The following FLACC1 variants were observed in gnomAD, a reference collection of about 807,000 sequenced individuals.
FLACC1 encodes flagellum associated containing coiled-coil domains 1, also known as flagellum-associated coiled-coil domain-containing protein 1.
Under a neutral mutation model 62.8 loss-of-function variants are expected in FLACC1, and 66 were observed. The observed-to-expected ratio is 1.05, with a 90% confidence interval of 0.86 to 1.29. The LOEUF is 1.29. Among genes scored for constraint, FLACC1 ranks in the 50% most tolerant of loss-of-function variants. The pLI is 0.00. For synonymous variants in FLACC1, 156 were observed against 161.0 expected (o/e 0.97, Z 0.24); for missense variants, 452 against 489.1 (o/e 0.92, Z 0.71).
intron 4 of FLACC1, among the ~76,000 whole-genome samples, chr2:201,347,460 A>G (rs1362415624): frequency 6.6e-6 from 1 of 152,182 alleles, no homozygotes; most frequent in East Asian, 1.9e-4. Context: ...CTAGAGGGCA[A>G]TTATATTTTT....
chr2:201,327,602 A>G (rs1950519863), intron 9 of FLACC1, among the ~76,000 whole-genome samples: 1 of 152,104 alleles, frequency 6.6e-6, no homozygotes, highest in Admixed American at 6.6e-5. Flanking sequence ...AATTAAAACC[A>G]CAATGAGATA....
At chr2:201,292,757 G>A (rs936580202) in intron 12 of FLACC1, among the ~76,000 whole-genome samples, 1 of 152,146 alleles carries the variant, frequency 6.6e-6, no homozygotes, top group African/African-American at 2.4e-5. Flanking sequence ...ACCCATCAGT[G>A]TGCTGTATTC....
At chr2:201,293,334 A>C (rs1576408257) in intron 12 of FLACC1, among the ~76,000 whole-genome samples, 1 of 152,356 alleles carries the variant, frequency 6.6e-6, no homozygotes, top group African/African-American at 2.4e-5. Context: ...CTCAGACCAC[A>C]GTGCAATCAA....
chr2:201,289,717 G>C lies in FLACC1; in HGVS notation c.1011C>G (p.Thr337=), dbSNP rs755155186. Residue 337 remains threonine, a synonymous_variant, in exon 13 of 15, where the codon ACC becomes ACG. Coordinates refer to ENST00000392257, the MANE Select transcript of FLACC1 (RefSeq NM_001127391.3). ...TCACCTCTTTCTGGAGTTCCAACTG[G>C]GTATAGTAGAGGTTTGTGTTCAGTG... ...LESLNTNLYY[T]QLELQKEKAI... The C allele has an allele frequency of 2.5e-6, 4 of 1,614,024 alleles. No individual in the cohort carries two copies. The South Asian group carries it at 4.4e-5, about 18-fold the overall frequency.
At chr2:201,358,811 T>A (rs886068365), upstream of FLACC1, among the ~76,000 whole-genome samples, 3 of 152,160 alleles carry the variant, frequency 2.0e-5, no homozygotes, top group East Asian at 5.8e-4. Flanking sequence ...TCCTCCTGCT[T>A]CGGCCTCCCA....
At chr2:201,298,447 C>T (rs1293827242) in intron 12 of FLACC1, among the ~76,000 whole-genome samples, 1 of 152,096 alleles carries the variant, frequency 6.6e-6, no homozygotes, top group East Asian at 1.9e-4. Context: ...GAAATATGAC[C>T]ATAAATGAGG....
intron 7 of FLACC1, among the ~76,000 whole-genome samples, chr2:201,335,854 G>A (rs993166231): frequency 4.6e-5 from 7 of 151,808 alleles, no homozygotes; most frequent in South Asian, 2.1e-4. Context: ...TTCTTTTACC[G>A]ATGCTCCATA....
intron 9 of FLACC1, among the ~76,000 whole-genome samples, chr2:201,321,329 C>T (rs1353993316): frequency 1.3e-5 from 2 of 152,200 alleles, no homozygotes; most frequent in African/African-American, 2.4e-5. Context: ...ACAGGGAGTG[C>T]ACCACATCAA....
Position 201,350,630 on chromosome 2 carries a change from A to G in FLACC1, c.185+81T>C. 8 of 1,276,222 alleles carry G rather than the reference A, an allele frequency of 6.3e-6. No homozygotes were observed. In the South Asian group the frequency reaches 1.1e-4, roughly 17 times the overall value. The allele number at this position is 1,276,222 out of a possible 1,614,324, so 79.1% of individuals were successfully genotyped here. On this transcript the variant is annotated intron_variant, in intron 3 of 14. Transcript: ENST00000392257. Reference sequence around the variant, plus strand: ...TGGGAGGCAGAGGTTGCAGTGAGCCAAGGTTACACCACTGCACTCTAGCCT... The same window carrying G: ...TGGGAGGCAGAGGTTGCAGTGAGCCGAGGTTACACCACTGCACTCTAGCCT...
chr2:201,337,377 C>T (rs1385921786), intron 7 of FLACC1, among the ~76,000 whole-genome samples: 1 of 152,196 alleles, frequency 6.6e-6, no homozygotes, highest in Admixed American at 6.5e-5. Context: ...TTCCCAGCAT[C>T]ATTTATTGAA....
At chr2:201,356,182 C>T (rs187988278) in intron 1 of FLACC1, among the ~76,000 whole-genome samples, 42 of 152,220 alleles carry the variant, frequency 2.8e-4, no homozygotes, top group Non-Finnish European at 4.7e-4. Context: ...TGTTTTGAGA[C>T]GGAGTTTTGC....
chr2:201,301,679 G>A (rs1240443078), intron 11 of FLACC1, among the ~76,000 whole-genome samples: 2 of 152,220 alleles, frequency 1.3e-5, no homozygotes, highest in Non-Finnish European at 2.9e-5. Flanking sequence ...GGCAGCCAGA[G>A]AGAAAGGTTG....
chr2:201,332,019 A>G (rs1253297422), intron 7 of FLACC1, among the ~76,000 whole-genome samples: 1 of 152,194 alleles, frequency 6.6e-6, no homozygotes, highest in East Asian at 1.9e-4. Flanking sequence ...TAAAACTCTA[A>G]AACTACTCTA....
At chr2:201,314,294 A>G (rs1214603747) in intron 9 of FLACC1, among the ~76,000 whole-genome samples, 1 of 152,166 alleles carries the variant, frequency 6.6e-6, no homozygotes, top group Non-Finnish European at 1.5e-5. Flanking sequence ...AATTTAAAAA[A>G]AAATGATACA....
At chr2:201,333,946 T>G (rs987956409) in intron 7 of FLACC1, among the ~76,000 whole-genome samples, 2 of 152,188 alleles carry the variant, frequency 1.3e-5, no homozygotes, top group African/African-American at 2.4e-5. Flanking sequence ...GATCAAATGG[T>G]ATTTCTAGTT....
chr2:201,289,868 A>G, intron 12 of FLACC1, 83 bp from the exon 13 acceptor site: 1 of 1,607,254 alleles, frequency 6.2e-7, no homozygotes, highest in Non-Finnish European at 8.5e-7. Context: ...GACTATGATG[A>G]AAGGGAGCAA....
chr2:201,350,605 T>G (rs970543260), intron 3 of FLACC1, 106 bp downstream of exon 3: 1 of 921,818 alleles, frequency 1.1e-6, no homozygotes, highest in African/African-American at 1.7e-5. Context: ...CGCTTGAGAC[T>G]GGGAGGCAGA....
At chr2:201,319,113 AT>A (rs1292023881) in intron 9 of FLACC1, among the ~76,000 whole-genome samples, 1 of 152,110 alleles carries the variant, frequency 6.6e-6, no homozygotes, top group African/African-American at 2.4e-5. Context: ...ATTTAAAAAA[AT>A]ATAAGGCTAC....
chr2:201,289,347 C>T (rs773924246), intron 14 of FLACC1, 110 bp downstream of exon 14: 2 of 1,010,770 alleles, frequency 2.0e-6, no homozygotes, highest in Non-Finnish European at 3.0e-6. Context: ...ACACCTGTGC[C>T]TTGACATAAC....
Sources: allele counts gnomAD v4.1 joint callset (sites outside exome capture counted in the v4.1 genomes callset), GRCh38; gene constraint gnomAD v4.1.1; transcripts MANE v1.5; gene names NCBI Gene and HGNC (gene_info 2026-07-23, HGNC 2026-07-21).